COL19A1: variants seen among roughly 807,000 people sequenced by gnomAD.
COL19A1 encodes collagen alpha-1(XIX) chain.
Under a neutral mutation model 190.2 loss-of-function variants are expected in COL19A1, and 159 were observed. The observed-to-expected ratio is 0.84, with a 90% CI of 0.73 to 0.95. The LOEUF (loss-of-function observed/expected upper bound fraction) is 0.95, where lower values mean the gene tolerates loss of function less well. Among genes scored for constraint, COL19A1 ranks in the 40% least tolerant of loss-of-function variants. COL19A1 has a pLI of 0.00. For missense variants in COL19A1, 1,418 were observed against 1,431.9 expected, an observed-to-expected ratio of 0.99 and a Z score of 0.16; for synonymous variants, 509 against 458.9, an observed-to-expected ratio of 1.11 and a Z score of -1.39.
chr6:70,092,484 T>C (rs1782992140), intron 15 of COL19A1, among the ~76,000 whole-genome samples: 1 of 152,142 alleles, frequency 6.6e-6, no homozygotes, highest in Non-Finnish European at 1.5e-5. Flanking sequence ...TTCTGCCAAA[T>C]AAAACTTACT....
intron 9 of COL19A1, among the ~76,000 whole-genome samples, chr6:69,953,463 G>A (rs926607628): frequency 1.3e-5 from 2 of 151,908 alleles, no homozygotes; most frequent in Non-Finnish European, 2.9e-5. Flanking sequence ...CTCTTACATG[G>A]AATAACTGTC....
rs866279103 is a variant in COL19A1 at position 69,953,014 on chromosome 6, T to C, written c.937-6982T>C. Among the ~76,000 whole-genome samples, 24 of 152,156 alleles carry C rather than the reference T, an allele frequency of 1.6e-4. 1 individual carries two copies. Among genetic ancestry groups the C allele is most frequent in the African/African-American group, 5.5e-4 (23 of 41,546 alleles). On this transcript the variant is annotated intron_variant, in intron 9 of 50. Coordinates refer to ENST00000620364, the MANE Select transcript of COL19A1 (RefSeq NM_001858.6). ...CCATTTGGCTTCCTCTCTATATTTC[T>C]AGCCTCACCTAATTTTTCTGTGCTT...
chr6:70,054,158 T>G (rs1780365063), intron 14 of COL19A1, among the ~76,000 whole-genome samples: 1 of 152,156 alleles, frequency 6.6e-6, no homozygotes, highest in Non-Finnish European at 1.5e-5. Context: ...GAGACCAGCC[T>G]GGTTAACCTG....
In COL19A1 at chr6:70,173,349, GT is replaced by G. The variant is rs528110179; in HGVS notation, c.2622+1337del. 4.3e-4 allele frequency among the ~76,000 whole-genome samples: 65 copies of G among 152,298 alleles called. 1 individual carries two copies. The highest frequency in any genetic ancestry group is 7.4e-4 in the Non-Finnish European group (50 of 68,018). The stretch of plus-strand genomic sequence containing the variant: ...AGATTACCAAGGGAATGCCAATAGA[GT>G]TTTTAGAAACAGAAGAGTCAAGGAT... On this transcript the variant is annotated intron_variant, in intron 41 of 50. Coordinates refer to ENST00000620364, the MANE Select transcript of COL19A1 (RefSeq NM_001858.6).
chr6:69,956,886 T>G (rs993927772), intron 9 of COL19A1, among the ~76,000 whole-genome samples: 7 of 152,060 alleles, frequency 4.6e-5, no homozygotes, highest in Admixed American at 3.3e-4. Flanking sequence ...TAGGTCAATT[T>G]TTTCAGTACA....
chr6:70,208,857 C>G lies in COL19A1; in HGVS notation c.*1583C>G, dbSNP rs932838210. The G allele has an allele frequency of 6.6e-6, 1 of 152,650 alleles. No homozygotes were observed. The highest frequency in any genetic ancestry group is 2.4e-5 in the African/African-American group (1 of 41,528). The allele number at this position is 152,650 out of a possible 1,614,324, so 9.5% of individuals were successfully genotyped here. The stretch of plus-strand genomic sequence containing the variant: ...AAGGCAGGGTTTGTTCCAATGCATC[C>G]GTGATTTGAACCGGTTTTCATTATA... On this transcript the variant is annotated 3_prime_UTR_variant, in exon 51 of 51. Coordinates refer to ENST00000620364, the MANE Select transcript of COL19A1 (RefSeq NM_001858.6).
intron 15 of COL19A1, among the ~76,000 whole-genome samples, chr6:70,078,827 G>T (rs1278275772): frequency 2.0e-5 from 3 of 152,176 alleles, no homozygotes; most frequent in Admixed American, 2.0e-4. Context: ...AGCACTTTGG[G>T]AGGCCGAGGC....
chr6:69,936,730 A>G, intron 7 of COL19A1, 55 bp from the exon 8 acceptor site: 1 of 1,597,988 alleles, frequency 6.3e-7, no homozygotes, highest in South Asian at 1.1e-5. Flanking sequence ...AGTGTTTGGA[A>G]CATGAGAATG....
intron 1 of COL19A1, among the ~76,000 whole-genome samples, chr6:69,873,863 A>G (rs1014601442): frequency 2.0e-5 from 3 of 152,178 alleles, no homozygotes; most frequent in Non-Finnish European, 4.4e-5. Flanking sequence ...TGAGAAAAAA[A>G]TTTGAGGGCC....
At chr6:70,148,152 G>C (rs886498182) in intron 27 of COL19A1, among the ~76,000 whole-genome samples, 2 of 152,038 alleles carry the variant, frequency 1.3e-5, no homozygotes, top group Non-Finnish European at 2.9e-5. Context: ...ATGTCAGCAA[G>C]ATTGATAATT....
chr6:70,182,466 G>C (rs1280716089), intron 44 of COL19A1, among the ~76,000 whole-genome samples: 1 of 152,150 alleles, frequency 6.6e-6, no homozygotes, highest in African/African-American at 2.4e-5. Flanking sequence ...ACTTAGGAGA[G>C]GCCAAGATTG....
At chr6:70,053,423 A>G (rs1296499771) in intron 14 of COL19A1, among the ~76,000 whole-genome samples, 2 of 152,188 alleles carry the variant, frequency 1.3e-5, no homozygotes, top group Non-Finnish European at 1.5e-5. Flanking sequence ...TGGAAGTCAC[A>G]TACTACCCAT....
intron 14 of COL19A1, among the ~76,000 whole-genome samples, chr6:70,037,472 TA>T (rs879663668): frequency 4.4e-4 from 65 of 147,440 alleles, no homozygotes; most frequent in African/African-American, 6.4e-4. Context: ...TTTGTAGAAT[TA>T]AAAAAAAAAA....
chr6:69,926,071 C>T (rs1772367350), intron 4 of COL19A1, among the ~76,000 whole-genome samples: 1 of 152,002 alleles, frequency 6.6e-6, no homozygotes, highest in Non-Finnish European at 1.5e-5. Flanking sequence ...AATTGAATAC[C>T]CTTTATTTCT....
chr6:70,034,443 A>G (rs1779235770), intron 13 of COL19A1, 145 bp downstream of exon 13: 3 of 627,706 alleles, frequency 4.8e-6, no homozygotes, highest in Non-Finnish European at 8.7e-6. Context: ...CTGAATAAGA[A>G]CAGCCTTTTT....
At chr6:69,899,117 C>A in intron 3 of COL19A1, 95 bp downstream of exon 3, 2 of 728,936 alleles carry the variant, frequency 2.7e-6, no homozygotes, top group Non-Finnish European at 4.6e-6. Context: ...TTTGATACTG[C>A]AATTTAAGAT....
intron 11 of COL19A1, among the ~76,000 whole-genome samples, chr6:69,986,105 C>T (rs1217469650): frequency 2.0e-5 from 3 of 151,504 alleles, no homozygotes; most frequent in Non-Finnish European, 4.4e-5. Flanking sequence ...TCTACAAAGT[C>T]AGGAAGAAAG....
At chr6:70,066,248 A>C (rs1299832807) in intron 14 of COL19A1, among the ~76,000 whole-genome samples, 1 of 152,198 alleles carries the variant, frequency 6.6e-6, no homozygotes, top group African/African-American at 2.4e-5. Flanking sequence ...GCACATATAC[A>C]CCATGGAATA....
At chr6:70,170,384 A>C (rs1765425940) in intron 40 of COL19A1, among the ~76,000 whole-genome samples, 2 of 152,186 alleles carry the variant, frequency 1.3e-5, no homozygotes, top group African/African-American at 4.8e-5. Context: ...TACTCTTCCA[A>C]CATTCTTCAA....
Sources: allele counts gnomAD v4.1 joint callset (sites outside exome capture counted in the v4.1 genomes callset), GRCh38; gene constraint gnomAD v4.1.1; transcripts MANE v1.5; gene names NCBI Gene and HGNC (gene_info 2026-07-23, HGNC 2026-07-21).